FHIT: variants seen among roughly 807,000 people sequenced by gnomAD.
FHIT encodes bis(5'-adenosyl)-triphosphatase.
In FHIT, 19 loss-of-function variants were observed where a neutral mutation model predicts 17.9. The observed-to-expected ratio is 1.06, with a 90% confidence interval of 0.74 to 1.56. FHIT has a LOEUF of 1.56. FHIT is among the 40% of genes most tolerant of loss of function. The pLI, the probability that FHIT is intolerant of heterozygous loss-of-function variation, is 0.00. For missense variants in FHIT, 248 were observed against 189.2 expected (o/e 1.31, Z -1.82); for synonymous variants, 81 against 69.7 (o/e 1.16, Z -0.81).
intron 4 of FHIT, among the ~76,000 whole-genome samples, chr3:60,600,972 C>A (rs952475158): frequency 6.6e-6 from 1 of 152,130 alleles, no homozygotes; most frequent in Non-Finnish European, 1.5e-5. Flanking sequence ...CCCTTCCGGG[C>A]CCCTCACCTA....
At chr3:61,243,884 T>C (rs944882975) in intron 1 of FHIT, 1 of 151,940 alleles carries the variant, frequency 6.6e-6, no homozygotes, top group Admixed American at 6.6e-5. Context: ...GTGCAAAATT[T>C]ATAGTTAGTT....
At chr3:60,919,669 A>AT (rs1205292528) in intron 3 of FHIT, among the ~76,000 whole-genome samples, 26 of 152,210 alleles carry the variant, frequency 1.7e-4, no homozygotes, top group Non-Finnish European at 3.1e-4. Flanking sequence ...CTATTTTCAC[A>AT]TATTTCAAAT....
intron 1 of FHIT, among the ~76,000 whole-genome samples, chr3:61,208,095 G>C (rs896311702): frequency 7.2e-5 from 11 of 152,226 alleles, no homozygotes; most frequent in African/African-American, 2.6e-4. Flanking sequence ...TCAGGAGCAG[G>C]TTGTTCAGTT....
chr3:61,024,324 C>G (rs944125658), intron 3 of FHIT, among the ~76,000 whole-genome samples: 1 of 152,020 alleles, frequency 6.6e-6, no homozygotes, highest in African/African-American at 2.4e-5. Context: ...CCCTTCTCCC[C>G]CAACAAAATA....
chr3:60,467,302 G>A (rs2032853436), intron 5 of FHIT, among the ~76,000 whole-genome samples: 2 of 150,876 alleles, frequency 1.3e-5, no homozygotes, highest in Admixed American at 1.3e-4. Context: ...ACAACTTTTT[G>A]TTTCATTTAC....
chr3:61,169,694 AG>A (rs1365240586), intron 2 of FHIT, among the ~76,000 whole-genome samples: 1 of 152,190 alleles, frequency 6.6e-6, no homozygotes, highest in Non-Finnish European at 1.5e-5. Flanking sequence ...CAGAGGGGCA[AG>A]AAACAAATGT....
At chr3:60,760,034 ATT>A (rs1553719312) in intron 4 of FHIT, among the ~76,000 whole-genome samples, 1 of 116,628 alleles carries the variant, frequency 8.6e-6, no homozygotes, top group East Asian at 2.4e-4. Flanking sequence ...TACTCTCTTT[ATT>A]TCTTTTCTTT....
At chr3:60,965,931 C>G (rs1416772910) in intron 3 of FHIT, among the ~76,000 whole-genome samples, 1 of 152,214 alleles carries the variant, frequency 6.6e-6, no homozygotes, top group Non-Finnish European at 1.5e-5. Context: ...AGATCTCAAA[C>G]TCCGTGCTGG....
At chr3:59,766,482 G>C (rs1308879762) in intron 8 of FHIT, among the ~76,000 whole-genome samples, 2 of 152,146 alleles carry the variant, frequency 1.3e-5, no homozygotes, top group East Asian at 3.8e-4. Flanking sequence ...CTTCACACAG[G>C]TTGCTGTTCT....
At chr3:60,147,459 A>T (rs2107319310) in intron 5 of FHIT, among the ~76,000 whole-genome samples, 1 of 152,282 alleles carries the variant, frequency 6.6e-6, no homozygotes, top group South Asian at 2.1e-4. Flanking sequence ...TAAAGGATGC[A>T]GTGCCTTTGC....
intron 2 of FHIT, among the ~76,000 whole-genome samples, chr3:61,109,900 T>A (rs1481839182): frequency 1.3e-5 from 2 of 152,160 alleles, no homozygotes; most frequent in Non-Finnish European, 2.9e-5. Context: ...TAACAGCCAC[T>A]TCTTGCCATC....
intron 1 of FHIT, among the ~76,000 whole-genome samples, chr3:61,223,189 G>A (rs2039884388): frequency 6.6e-6 from 1 of 152,160 alleles, no homozygotes; most frequent in Non-Finnish European, 1.5e-5. Flanking sequence ...TATTCTGCCA[G>A]TCGGACAAAT....
intron 2 of FHIT, among the ~76,000 whole-genome samples, chr3:61,054,681 C>A (rs2034152806): frequency 6.6e-6 from 1 of 152,166 alleles, no homozygotes; most frequent in Non-Finnish European, 1.5e-5. Context: ...AGTTCCCAAG[C>A]CAGATCTAGA....
chr3:60,278,268 AT>A (rs1415040991), intron 5 of FHIT, among the ~76,000 whole-genome samples: 2 of 152,136 alleles, frequency 1.3e-5, no homozygotes, highest in African/African-American at 4.8e-5. Context: ...AAAAGTAACC[AT>A]TTTGGAAGTT....
chr3:61,162,505 C>T (rs1032492336), intron 2 of FHIT, among the ~76,000 whole-genome samples: 3 of 152,180 alleles, frequency 2.0e-5, no homozygotes, highest in Admixed American at 6.6e-5. Context: ...CCACCCCATA[C>T]TTCTTGGGGT....
At chr3:60,169,663 A>T (rs1701332086) in intron 5 of FHIT, among the ~76,000 whole-genome samples, 1 of 152,178 alleles carries the variant, frequency 6.6e-6, no homozygotes, top group South Asian at 2.1e-4. Flanking sequence ...AAGTCAGTAA[A>T]AGGTCAGTGA....
chr3:60,852,305 T>C (rs1703186828), intron 3 of FHIT, among the ~76,000 whole-genome samples: 1 of 152,114 alleles, frequency 6.6e-6, no homozygotes, highest in African/African-American at 2.4e-5. Flanking sequence ...CCTGGGTCCC[T>C]AGCTTGCCAA....
chr3:60,025,139 A>G (rs1008183602), intron 5 of FHIT, among the ~76,000 whole-genome samples: 1 of 152,146 alleles, frequency 6.6e-6, no homozygotes, highest in Non-Finnish European at 1.5e-5. Flanking sequence ...GGTGGGTGGG[A>G]CAGTGTCATG....
chr3:60,182,782 TG>T (rs1456403702), intron 5 of FHIT, among the ~76,000 whole-genome samples: 2 of 151,904 alleles, frequency 1.3e-5, no homozygotes, highest in Non-Finnish European at 2.9e-5. Flanking sequence ...GACCCTGTCT[TG>T]ATCAATCAAT....
Sources: gnomAD v4.1 joint callset for allele counts (sites outside exome capture counted in the v4.1 genomes callset) on GRCh38, gnomAD v4.1.1 for gene constraint, MANE v1.5 for transcripts, NCBI Gene and HGNC (gene_info 2026-07-23, HGNC 2026-07-21) for gene names.